The following MAMLD1 variants were observed in gnomAD, a reference collection of about 807,000 sequenced individuals.
MAMLD1 encodes mastermind-like domain-containing protein 1.
Under a neutral mutation model 45.0 loss-of-function variants are expected in MAMLD1, and 14 were observed. That is an observed-to-expected ratio of 0.31 (90% CI 0.21 to 0.49). The LOEUF (loss-of-function observed/expected upper bound fraction) is 0.49, where lower values mean the gene tolerates loss of function less well. Ranked by LOEUF, MAMLD1 falls within the 20% of genes least tolerant of loss-of-function variation. MAMLD1 has a pLI of 0.99. For missense variants in MAMLD1, 543 were observed against 603.6 expected, an observed-to-expected ratio of 0.90 and a Z score of 1.05; for synonymous variants, 254 against 247.8, an observed-to-expected ratio of 1.02 and a Z score of -0.24.
At chrX:150,385,385 T>C (rs1425754125) in intron 1 of MAMLD1, among the ~76,000 whole-genome samples, 1 of 110,834 alleles carries the variant, frequency 9.0e-6, no homozygotes, top group Non-Finnish European at 1.9e-5. Context: ...CACTTATAAC[T>C]TTTGACTTCC....
At chrX:150,448,511 A>G (rs1213591744) in intron 2 of MAMLD1, among the ~76,000 whole-genome samples, 5 of 112,420 alleles carry the variant, frequency 4.4e-5, no homozygotes, top group East Asian at 5.6e-4. Context: ...TCACCATAAG[A>G]AATCTCAGTA....
At chrX:150,451,139 G>C (rs782499061) in intron 2 of MAMLD1, among the ~76,000 whole-genome samples, 1 of 112,777 alleles carries the variant, frequency 8.9e-6, no homozygotes, top group Non-Finnish European at 1.9e-5. Context: ...TTTGAAGGGA[G>C]AGTGCTGGTG....
intron 1 of MAMLD1, among the ~76,000 whole-genome samples, chrX:150,404,962 C>T (rs1241513720): frequency 1.8e-5 from 2 of 112,221 alleles, no homozygotes; most frequent in Non-Finnish European, 3.8e-5. Flanking sequence ...TTTGGGGTGA[C>T]TACAAATACA....
chrX:150,386,104 C>CTTTT (rs35146517), intron 1 of MAMLD1, among the ~76,000 whole-genome samples: 1 of 102,495 alleles, frequency 9.8e-6, no homozygotes, highest in African/African-American at 3.6e-5. Flanking sequence ...CAACACCCAT[C>CTTTT]TTTTTTTTTT....
At chrX:150,495,258 G>A (rs1447687381) in intron 5 of MAMLD1, among the ~76,000 whole-genome samples, 3 of 111,557 alleles carry the variant, frequency 2.7e-5, no homozygotes, top group African/African-American at 9.8e-5. Flanking sequence ...AAAAACCTTA[G>A]TGGAAGACAC....
intron 5 of MAMLD1, among the ~76,000 whole-genome samples, chrX:150,489,443 C>T (rs1025303056): frequency 9.1e-6 from 1 of 109,867 alleles, no homozygotes; most frequent in Admixed American, 9.7e-5. Context: ...GAGAGCTCCA[C>T]CCCATCATCT....
chrX:150,456,094 C>T lies in MAMLD1; in HGVS notation c.97-6678C>T, dbSNP rs782802528. On this transcript the variant is annotated intron_variant, in intron 2 of 7. Coordinates refer to ENST00000370401, the MANE Select transcript of MAMLD1 (RefSeq NM_005491.5). ...CTGAAACTAAAAGTGATTTTTTATC[C>T]TCAGTCTAAGTGTGAAGAGCTGAAG... Among the ~76,000 whole-genome samples, 9 of 111,273 alleles carry T rather than the reference C, an allele frequency of 8.1e-5. No individual in the cohort carries two copies. The South Asian group carries it at 1.5e-3, about 19-fold the overall frequency.
intron 7 of MAMLD1, among the ~76,000 whole-genome samples, chrX:150,511,102 G>A (rs1486949816): frequency 8.9e-6 from 1 of 111,983 alleles, no homozygotes; most frequent in African/African-American, 3.3e-5. Context: ...TTCTTGGGTG[G>A]GTCAGACACA....
intron 5 of MAMLD1, among the ~76,000 whole-genome samples, chrX:150,485,705 T>C (rs149758953): frequency 1.2e-3 from 134 of 112,324 alleles, no homozygotes; most frequent in African/African-American, 4.1e-3. Flanking sequence ...AACTAATGCA[T>C]ATTGAAGATC....
intron 5 of MAMLD1, among the ~76,000 whole-genome samples, chrX:150,498,806 T>C (rs1170270426): frequency 8.9e-6 from 1 of 112,487 alleles, no homozygotes; most frequent in Non-Finnish European, 1.9e-5. Flanking sequence ...TTGTTATTAA[T>C]AGATGCATAC....
chrX:150,511,285 G>A (rs1317567229), intron 7 of MAMLD1, among the ~76,000 whole-genome samples: 3 of 111,381 alleles, frequency 2.7e-5, no homozygotes, highest in Non-Finnish European at 3.8e-5. Flanking sequence ...CCCATCTTAG[G>A]CACCTGGGAC....
At chrX:150,387,547 A>G (rs1243284085) in intron 1 of MAMLD1, among the ~76,000 whole-genome samples, 2 of 112,019 alleles carry the variant, frequency 1.8e-5, no homozygotes, top group African/African-American at 3.2e-5. Context: ...GCTCACACAT[A>G]GGTTCTGAAG....
chrX:150,379,663 C>T (rs1557401558), intron 1 of MAMLD1, among the ~76,000 whole-genome samples: 1 of 112,094 alleles, frequency 8.9e-6, no homozygotes, highest in Admixed American at 9.4e-5. Context: ...CTGTCCTTTC[C>T]ACCTCATTCC....
intron 1 of MAMLD1, among the ~76,000 whole-genome samples, chrX:150,365,824 C>G (rs907539025): frequency 8.9e-6 from 1 of 112,832 alleles, no homozygotes; most frequent in Admixed American, 9.3e-5. Flanking sequence ...GGACTGCGCG[C>G]TGGCCTGCTG....
At chrX:150,494,106 A>G (rs1557408091) in intron 5 of MAMLD1, among the ~76,000 whole-genome samples, 3 of 112,173 alleles carry the variant, frequency 2.7e-5, no homozygotes. Flanking sequence ...ATAAGGAAGT[A>G]AAAAATGGGC....
intron 5 of MAMLD1, among the ~76,000 whole-genome samples, chrX:150,475,866 C>T (rs1426447116): frequency 8.9e-6 from 1 of 112,248 alleles, no homozygotes; most frequent in East Asian, 2.8e-4. Flanking sequence ...GGGCTTGGAC[C>T]TGAAACCTCC....
intron 2 of MAMLD1, among the ~76,000 whole-genome samples, chrX:150,450,307 G>C (rs183414425): frequency 4.9e-4 from 55 of 112,424 alleles, no homozygotes; most frequent in African/African-American, 1.5e-3. Context: ...TGTCGAAACA[G>C]CTCCCTTAGA....
intron 1 of MAMLD1, among the ~76,000 whole-genome samples, chrX:150,377,793 C>CATCTT (rs1557401500): frequency 9.9e-6 from 1 of 101,209 alleles, no homozygotes. Flanking sequence ...CATTTTACCA[C>CATCTT]ATTCTATGTT....
chrX:150,496,572 G>T (rs1355605050), intron 5 of MAMLD1, among the ~76,000 whole-genome samples: 4 of 112,112 alleles, frequency 3.6e-5, no homozygotes, highest in Non-Finnish European at 7.5e-5. Flanking sequence ...TGAGAAAATA[G>T]AAACCTTCCA....
Sources: allele counts gnomAD v4.1 joint callset (sites outside exome capture counted in the v4.1 genomes callset), GRCh38; gene constraint gnomAD v4.1.1; transcripts MANE v1.5; gene names NCBI Gene and HGNC (gene_info 2026-07-23, HGNC 2026-07-21).